ELMO1: variants seen among roughly 807,000 people sequenced by gnomAD.
ELMO1 encodes engulfment and cell motility 1.
A neutral mutation model predicts 98.9 loss-of-function variants in ELMO1; 26 were observed. That is an observed-to-expected ratio of 0.26 (90% confidence interval 0.19 to 0.36). The LOEUF (loss-of-function observed/expected upper bound fraction) is 0.36, where lower values mean the gene tolerates loss of function less well. ELMO1 is among the 10% of genes least tolerant of loss of function. The pLI is 1.00. For synonymous variants in ELMO1, 346 were observed against 346.0 expected (o/e 1.00, Z 0.00); for missense variants, 627 against 935.2 (o/e 0.67, Z 4.30).
rs1274019087 is a variant in ELMO1, at chr7:36,853,723, T to C, written c.*1828A>G. ...CTGATGACGGTAAAGAGAAATGACC[T>C]GGATGCTTCCACAGCTTGTGCTGTG... is the stretch of plus-strand genomic sequence containing the variant. On this transcript the variant is annotated 3_prime_UTR_variant, in exon 22 of 22. Coordinates refer to ENST00000310758, the MANE Select transcript of ELMO1 (RefSeq NM_014800.11). Among the ~76,000 whole-genome samples, 1 of 152,220 alleles carries C rather than the reference T, an allele frequency of 6.6e-6. No individual in the cohort carries two copies. The highest frequency in any genetic ancestry group is 1.5e-5 in the Non-Finnish European group (1 of 68,046).
chr7:36,942,027 T>C (rs996607652), intron 16 of ELMO1, among the ~76,000 whole-genome samples: 2 of 152,250 alleles, frequency 1.3e-5, no homozygotes, highest in African/African-American at 2.4e-5. Flanking sequence ...TGCTGAATGA[T>C]TTCCAGGGAG....
Position 37,011,558 on chromosome 7 carries a change from T to C in ELMO1, c.1437+1741A>G, listed in dbSNP as rs544858555. On this transcript the variant is annotated intron_variant, in intron 16 of 21. Transcript: ENST00000310758. ...TCTGAAACATTATTATTTGCAGATA[T>C]TATTCTGCAAAATGCAGAATTTATA... Among the ~76,000 whole-genome samples, 170 of 152,348 alleles carry C rather than the reference T, an allele frequency of 1.1e-3. 1 individual carries two copies. The highest frequency in any genetic ancestry group is 1.8e-3 in the Non-Finnish European group (121 of 68,022).
intron 1 of ELMO1, among the ~76,000 whole-genome samples, chr7:37,354,050 G>A (rs558991673): frequency 4.1e-4 from 62 of 152,244 alleles, no homozygotes; most frequent in African/African-American, 1.4e-3. Flanking sequence ...ACGGCCTCCC[G>A]TGCTAGAAGT....
chr7:37,295,477 C>T (rs1349845266), intron 4 of ELMO1, among the ~76,000 whole-genome samples: 4 of 152,200 alleles, frequency 2.6e-5, no homozygotes, highest in South Asian at 2.1e-4. Flanking sequence ...CTGTCTGAAA[C>T]GATGGCTGGA....
intron 15 of ELMO1, among the ~76,000 whole-genome samples, chr7:37,018,709 G>C (rs1407508578): frequency 6.6e-6 from 1 of 151,824 alleles, no homozygotes; most frequent in African/African-American, 2.4e-5. Flanking sequence ...ACTCCTGACC[G>C]CAGGTGATCT....
chr7:37,144,443 C>CA lies in ELMO1; in HGVS notation c.1087-11210dup, dbSNP rs537905273. On this transcript the variant is annotated intron_variant, in intron 13 of 21. Coordinates refer to ENST00000310758, the MANE Select transcript of ELMO1 (RefSeq NM_014800.11). ...AGCCCAGCAAGCCCAGCAACTCCCC[C>CA]ACTCCTTTCTTATTTATGAGATGCT... Among the ~76,000 whole-genome samples, 670 of 152,322 alleles carry CA rather than the reference C, an allele frequency of 4.4e-3. 5 individuals are homozygous for CA. The highest frequency in any genetic ancestry group is 0.015 in the African/African-American group (632 of 41,558).
intron 1 of ELMO1, among the ~76,000 whole-genome samples, chr7:37,413,323 C>T (rs1474432958): frequency 6.6e-6 from 1 of 152,120 alleles, no homozygotes; most frequent in Non-Finnish European, 1.5e-5. Context: ...CCTCTTCGTC[C>T]TTTGTATTGT....
intron 4 of ELMO1, among the ~76,000 whole-genome samples, chr7:37,295,696 TG>T (rs1173477859): frequency 6.6e-6 from 1 of 152,170 alleles, no homozygotes; most frequent in Non-Finnish European, 1.5e-5. Context: ...GGAAACTTTT[TG>T]TTCTAGAAGG....
chr7:37,086,754 A>AG (rs1195957116), intron 15 of ELMO1, among the ~76,000 whole-genome samples: 2 of 144,182 alleles, frequency 1.4e-5, no homozygotes, highest in African/African-American at 5.0e-5. Context: ...AAAAAAAAAA[A>AG]AAAAAAAAAA....
At chr7:36,856,772 C>T (rs1802227633) in intron 21 of ELMO1, among the ~76,000 whole-genome samples, 1 of 152,222 alleles carries the variant, frequency 6.6e-6, no homozygotes, top group African/African-American at 2.4e-5. Flanking sequence ...TCCACTCATG[C>T]ACTGGAGTTT....
chr7:37,289,180 A>G (rs1797549546), intron 4 of ELMO1, among the ~76,000 whole-genome samples: 1 of 152,214 alleles, frequency 6.6e-6, no homozygotes. Flanking sequence ...TATAATCATA[A>G]CAGAGTCTGG....
At chr7:37,021,095 A>C in intron 15 of ELMO1, among the ~76,000 whole-genome samples, 1 of 146,498 alleles carries the variant, frequency 6.8e-6, no homozygotes, top group East Asian at 1.9e-4. Flanking sequence ...ATTCCTTAAC[A>C]GTTTGATTTT....
chr7:37,233,028 A>C, intron 8 of ELMO1, 67 bp downstream of exon 8: 11 of 1,350,522 alleles, frequency 8.1e-6, no homozygotes, highest in Non-Finnish European at 1.1e-5. Context: ...AAACATCCTC[A>C]AAGCAGAGAA....
intron 1 of ELMO1, among the ~76,000 whole-genome samples, chr7:37,384,806 C>A (rs538303535): frequency 4.6e-5 from 7 of 152,126 alleles, no homozygotes; most frequent in African/African-American, 1.7e-4. Context: ...CCTCAGAAAT[C>A]TGACCTCAAC....
rs191400719 is a variant in ELMO1 at position 37,304,313 on chromosome 7, T to C, written c.192+10537A>G. Among the ~76,000 whole-genome samples the C allele has an allele frequency of 9.3e-4, 142 of 152,250 alleles. No individual in the cohort carries two copies. In the East Asian group the frequency reaches 0.025, roughly 27 times the overall value. On this transcript the variant is annotated intron_variant, in intron 4 of 21. Coordinates refer to ENST00000310758, the MANE Select transcript of ELMO1 (RefSeq NM_014800.11). ...CCCAATGCCAGGGCTGGATAGCTCC[T>C]AGGGGAAGTCAGGACAATCTGAGGA...
chr7:37,017,393 G>A (rs186133076), intron 15 of ELMO1, among the ~76,000 whole-genome samples: 7 of 152,194 alleles, frequency 4.6e-5, no homozygotes, highest in Non-Finnish European at 1.0e-4. Flanking sequence ...CATGTTAATA[G>A]AACCTGAGTT....
intron 1 of ELMO1, among the ~76,000 whole-genome samples, chr7:37,356,580 A>G (rs539119970): frequency 1.3e-4 from 20 of 152,096 alleles, no homozygotes; most frequent in Non-Finnish European, 2.8e-4. Context: ...ATGAGAACAC[A>G]TGGACACAGG....
At chr7:37,365,096 A>G (rs994191077) in intron 1 of ELMO1, among the ~76,000 whole-genome samples, 3 of 152,158 alleles carry the variant, frequency 2.0e-5, no homozygotes, top group Non-Finnish European at 2.9e-5. Flanking sequence ...ATTCCCACCG[A>G]ATGGAAAATA....
chr7:37,317,050 A>G (rs1002536348), intron 2 of ELMO1, among the ~76,000 whole-genome samples: 5 of 152,116 alleles, frequency 3.3e-5, no homozygotes, highest in African/African-American at 1.2e-4. Flanking sequence ...TGTTATAAAA[A>G]TTAAATTATA....
Sources: gnomAD v4.1 joint callset for allele counts (sites outside exome capture counted in the v4.1 genomes callset) on GRCh38, gnomAD v4.1.1 for gene constraint, MANE v1.5 for transcripts, NCBI Gene and HGNC (gene_info 2026-07-23, HGNC 2026-07-21) for gene names.